Variants in SPOCK1 observed in about 807,000 individuals in gnomAD.
SPOCK1 encodes the protein testican-1.
In SPOCK1, 23 loss-of-function variants were observed where a neutral mutation model predicts 55.3. The observed-to-expected ratio is 0.42, with a 90% CI of 0.30 to 0.59. SPOCK1 has a LOEUF of 0.59. SPOCK1 is among the 20% of genes least tolerant of loss of function. SPOCK1 has a pLI of 0.22. For missense variants in SPOCK1, 499 were observed against 552.5 expected, an observed-to-expected ratio of 0.90 and a Z score of 0.97; for synonymous variants, 226 against 221.0, an observed-to-expected ratio of 1.02 and a Z score of -0.20.
At chr5:136,979,062 G>A (rs1254701446) in intron 10 of SPOCK1, among the ~76,000 whole-genome samples, 3 of 152,096 alleles carry the variant, frequency 2.0e-5, no homozygotes, top group African/African-American at 7.2e-5. Flanking sequence ...CTTCCCAGGA[G>A]GTTTACAACC....
At chr5:137,065,739 T>C (rs1444795425) in intron 6 of SPOCK1, among the ~76,000 whole-genome samples, 1 of 152,238 alleles carries the variant, frequency 6.6e-6, no homozygotes, top group African/African-American at 2.4e-5. Flanking sequence ...TAGTCTGTGC[T>C]TTTGTAAACA....
chr5:137,069,672 C>T (rs562747657), intron 5 of SPOCK1, among the ~76,000 whole-genome samples: 24 of 152,220 alleles, frequency 1.6e-4, no homozygotes, highest in Admixed American at 1.4e-3. Context: ...CGTGTGTGCA[C>T]GTGCCCAGAG....
At chr5:137,192,465 A>G (rs144288554) in intron 3 of SPOCK1, among the ~76,000 whole-genome samples, 461 of 152,222 alleles carry the variant, frequency 3.0e-3, no homozygotes, top group African/African-American at 0.011. Flanking sequence ...GAATAAGGAA[A>G]GGCATGGAGT....
intron 2 of SPOCK1, among the ~76,000 whole-genome samples, chr5:137,304,063 GGGT>G (rs1466014324): frequency 1.3e-5 from 1 of 74,112 alleles, no homozygotes; most frequent in African/African-American, 1.0e-4. Context: ...AAAATGCAAT[GGGT>G]TTTTTTTTTT....
rs912149311 is a variant in SPOCK1, at chr5:137,018,769, C to A, written c.590-26169G>T. 2.6e-5 allele frequency among the ~76,000 whole-genome samples: 4 copies of A among 151,830 alleles called. 1 individual carries two copies. The East Asian group carries it at 7.7e-4, about 29-fold the overall frequency. On this transcript the variant is annotated intron_variant, in intron 6 of 10. Transcript: ENST00000394945. ...CCTCTCTCTTTTTTCAAAATGTATA[C>A]CTGAATCATTTTTAAAATTTTAAAA...
At chr5:137,203,778 C>T (rs979415746) in intron 3 of SPOCK1, among the ~76,000 whole-genome samples, 5 of 152,170 alleles carry the variant, frequency 3.3e-5, no homozygotes, top group Non-Finnish European at 7.3e-5. Context: ...TGCTTTCTAA[C>T]GTTGCACATG....
intron 2 of SPOCK1, among the ~76,000 whole-genome samples, chr5:137,496,730 AG>A (rs1339351363): frequency 6.6e-6 from 1 of 152,206 alleles, no homozygotes; most frequent in African/African-American, 2.4e-5. Flanking sequence ...TAATCAATGA[AG>A]GATTCTCAGA....
At chr5:137,137,622 G>A (rs754631997) in intron 4 of SPOCK1, among the ~76,000 whole-genome samples, 3 of 152,150 alleles carry the variant, frequency 2.0e-5, no homozygotes, top group Non-Finnish European at 4.4e-5. Flanking sequence ...TTGAACCAGT[G>A]GGCCCAATTA....
intron 4 of SPOCK1, among the ~76,000 whole-genome samples, chr5:137,139,342 G>A (rs548059525): frequency 5.9e-5 from 9 of 152,286 alleles, no homozygotes; most frequent in African/African-American, 2.2e-4. Context: ...CTCATGCCAG[G>A]AGCACCATTT....
At chr5:137,158,211 ACT>A (rs1754456292) in intron 3 of SPOCK1, among the ~76,000 whole-genome samples, 1 of 152,020 alleles carries the variant, frequency 6.6e-6, no homozygotes, top group Admixed American at 6.5e-5. Context: ...CTGTCCAGAG[ACT>A]CTGAAATGTG....
chr5:137,159,132 T>C (rs1343770467), intron 3 of SPOCK1, among the ~76,000 whole-genome samples: 1 of 152,012 alleles, frequency 6.6e-6, no homozygotes, highest in Non-Finnish European at 1.5e-5. Flanking sequence ...CACCCATAGG[T>C]CTTTCTTCTT....
intron 6 of SPOCK1, 128 bp downstream of exon 6, chr5:137,067,587 G>GTACT (rs1752532495): frequency 1.4e-6 from 1 of 717,366 alleles, no homozygotes; most frequent in Non-Finnish European, 2.4e-6. Context: ...TAAATCTGGA[G>GTACT]TACTTACCTG....
rs370904311 is a variant in SPOCK1 at position 137,119,396 on chromosome 5, C to G, written c.348-6835G>C. ...CATTGAAATAATCTGTCATGTAAAA[C>G]GATGCTATAATTCCTCTGTTGTTAG... On this transcript the variant is annotated intron_variant, in intron 4 of 10. Transcript: ENST00000394945. 6.6e-5 allele frequency among the ~76,000 whole-genome samples: 10 copies of G among 152,118 alleles called. No individual in the cohort carries two copies. The East Asian group carries it at 9.6e-4, about 15-fold the overall frequency.
chr5:137,241,437 T>C (rs1017354165), intron 3 of SPOCK1, among the ~76,000 whole-genome samples: 7 of 152,178 alleles, frequency 4.6e-5, no homozygotes, highest in African/African-American at 1.4e-4. Context: ...TAGACATACT[T>C]ACTGCCAAGG....
chr5:137,375,947 C>T (rs1212010620), intron 2 of SPOCK1, among the ~76,000 whole-genome samples: 1 of 152,184 alleles, frequency 6.6e-6, no homozygotes, highest in South Asian at 2.1e-4. Flanking sequence ...TAGAAGAATG[C>T]TCCCTTCCTC....
At chr5:137,175,753 G>T (rs1021814779) in intron 3 of SPOCK1, among the ~76,000 whole-genome samples, 3 of 152,092 alleles carry the variant, frequency 2.0e-5, no homozygotes, top group Non-Finnish European at 1.5e-5. Context: ...AGAGCACCTG[G>T]CATATAGAAT....
chr5:137,338,689 T>C (rs1452240267), intron 2 of SPOCK1, among the ~76,000 whole-genome samples: 1 of 151,764 alleles, frequency 6.6e-6, no homozygotes, highest in East Asian at 1.9e-4. Context: ...TGTTGTTTCC[T>C]GACTTTTTAA....
chr5:137,422,352 T>C (rs181089744), intron 2 of SPOCK1, among the ~76,000 whole-genome samples: 136 of 152,350 alleles, frequency 8.9e-4, no homozygotes, highest in African/African-American at 3.2e-3. Flanking sequence ...ATTGGGGAAG[T>C]TCTCCTGGAT....
intron 2 of SPOCK1, among the ~76,000 whole-genome samples, chr5:137,346,855 T>G (rs1356022087): frequency 6.6e-6 from 1 of 152,188 alleles, no homozygotes; most frequent in Admixed American, 6.5e-5. Context: ...AGAAGGGAAC[T>G]GAGAAATACC....
Sources: allele counts gnomAD v4.1 joint callset (sites outside exome capture counted in the v4.1 genomes callset), GRCh38; gene constraint gnomAD v4.1.1; transcripts MANE v1.5; gene names NCBI Gene and HGNC (gene_info 2026-07-23, HGNC 2026-07-21).